The following PAPPA variants were observed in gnomAD, a reference collection of about 807,000 sequenced individuals.
The protein encoded by PAPPA is pappalysin 1.
Under a neutral mutation model 164.0 loss-of-function variants are expected in PAPPA, and 60 were observed. The ratio of observed to expected loss-of-function variants is 0.37; its 90% CI spans 0.30 to 0.45. PAPPA has a LOEUF of 0.45. Ranked by LOEUF, PAPPA falls within the 20% of genes least tolerant of loss-of-function variation. PAPPA has a pLI of 1.00. For synonymous variants in PAPPA, 875 were observed against 814.1 expected (o/e 1.07, Z -1.27); for missense variants, 1,782 against 2,087.3 (o/e 0.85, Z 2.85).
intron 10 of PAPPA, among the ~76,000 whole-genome samples, chr9:116,317,946 C>T (rs561029333): frequency 5.9e-5 from 9 of 152,316 alleles, no homozygotes; most frequent in Admixed American, 5.2e-4. Context: ...AAAGTTTAAA[C>T]TACAGAAAGT....
intron 20 of PAPPA, among the ~76,000 whole-genome samples, chr9:116,378,147 A>G (rs1380561691): frequency 6.6e-6 from 1 of 152,220 alleles, no homozygotes; most frequent in African/African-American, 2.4e-5. Context: ...CAGAAGGAAT[A>G]TGAATGCCTT....
chr9:116,227,582 A>G, intron 6 of PAPPA, 30 bp downstream of exon 6: 2 of 1,612,416 alleles, frequency 1.2e-6, no homozygotes, highest in East Asian at 2.2e-5. Context: ...GCTCATTGAC[A>G]GGAGGAGTGT....
chr9:116,157,160 C>T (rs187293378), intron 1 of PAPPA, among the ~76,000 whole-genome samples: 3 of 152,292 alleles, frequency 2.0e-5, no homozygotes, highest in East Asian at 3.9e-4. Flanking sequence ...TCTAATTTTA[C>T]GGTGCTGTTA....
Position 116,377,661 on chromosome 9 carries a change from A to G in PAPPA, c.4677+14A>G. The G allele has an allele frequency of 6.3e-7, 1 of 1,587,518 alleles. No homozygotes were observed. Among genetic ancestry groups the G allele is most frequent in the Non-Finnish European group, 8.7e-7 (1 of 1,155,804 alleles). ...AAAGGCTGTGAGGTGAGTCACAAGG[A>G]AGGCACTCCTCAGTTCCCTGGAAAT... On this transcript the variant is annotated intron_variant, in intron 20 of 21. Transcript: ENST00000328252.
Position 116,352,818 on chromosome 9 carries a change from C to T in PAPPA, c.4077C>T (p.Thr1359=), listed in dbSNP as rs142403116. 5.5e-5 allele frequency: 88 copies of T among 1,613,746 alleles called. 1 individual carries two copies. The highest frequency in any genetic ancestry group is 2.9e-4 in the East Asian group (13 of 44,882). The part of the protein sequence containing the change: ...PPPVPNADLQ[T]ARCRENKHKV... ...CTGTGCCCAATGCAGACCTCCAGAC[C>T]GCCCGGTGCCGAGAGAATAAGCACA... The change falls in exon 16 of 22, where the codon ACC becomes ACT. Residue 1359 remains threonine (T), a synonymous_variant. Coordinates refer to ENST00000328252, the MANE Select transcript of PAPPA (RefSeq NM_002581.5).
rs768243558 is a variant in PAPPA at position 116,291,662 on chromosome 9, C to T, written c.2954-11095C>T. ...TGAAAATTCAAGAGCTGTACAAAAT[C>T]ATTCATTTATTCACTTATTCATGTA... is the stretch of plus-strand genomic sequence containing the variant. On this transcript the variant is annotated intron_variant, in intron 9 of 21. Coordinates refer to ENST00000328252, the MANE Select transcript of PAPPA (RefSeq NM_002581.5). Among the ~76,000 whole-genome samples the T allele has an allele frequency of 3.0e-4, 46 of 152,188 alleles. No homozygotes were observed. The South Asian group carries it at 4.2e-3, about 14-fold the overall frequency.
intron 1 of PAPPA, among the ~76,000 whole-genome samples, chr9:116,185,939 G>T (rs1228279002): frequency 6.6e-6 from 1 of 152,154 alleles, no homozygotes; most frequent in Non-Finnish European, 1.5e-5. Context: ...GCCTAGGACA[G>T]TGAATCCAAG....
At chr9:116,291,062 G>A (rs781085077) in intron 9 of PAPPA, among the ~76,000 whole-genome samples, 4 of 152,100 alleles carry the variant, frequency 2.6e-5, no homozygotes, top group Non-Finnish European at 5.9e-5. Context: ...AAGTCATTTA[G>A]GGCTTTGAAC....
intron 7 of PAPPA, among the ~76,000 whole-genome samples, chr9:116,262,604 A>G (rs2118805926): frequency 6.6e-6 from 1 of 152,326 alleles, no homozygotes; most frequent in South Asian, 2.1e-4. Context: ...ACATTAAGCC[A>G]GAGGCTGCTT....
intron 5 of PAPPA, among the ~76,000 whole-genome samples, chr9:116,226,574 C>G (rs1844513358): frequency 6.6e-6 from 1 of 152,192 alleles, no homozygotes; most frequent in South Asian, 2.1e-4. Context: ...TCCAGTCCCT[C>G]TGCAGAGGTC....
chr9:116,233,871 C>T (rs955581655), intron 6 of PAPPA, among the ~76,000 whole-genome samples: 1 of 151,868 alleles, frequency 6.6e-6, no homozygotes, highest in East Asian at 1.9e-4. Flanking sequence ...ACCCTCCCAA[C>T]CAACCACTGA....
At chr9:116,276,653 C>A (rs1845201989) in intron 9 of PAPPA, among the ~76,000 whole-genome samples, 1 of 152,154 alleles carries the variant, frequency 6.6e-6, no homozygotes, top group Non-Finnish European at 1.5e-5. Flanking sequence ...AGGAAAGGGA[C>A]CCCCACGTCG....
At chr9:116,346,922 A>T in intron 14 of PAPPA, 104 bp from the exon 15 acceptor site, 1 of 827,296 alleles carries the variant, frequency 1.2e-6, no homozygotes, top group Non-Finnish European at 1.9e-6. Flanking sequence ...TTGGTCTCCT[A>T]GTGCCTGGGC....
At chr9:116,184,385 G>A (rs189896446) in intron 1 of PAPPA, among the ~76,000 whole-genome samples, 2 of 152,260 alleles carry the variant, frequency 1.3e-5, no homozygotes, top group Admixed American at 1.3e-4. Flanking sequence ...GAGGACCTGG[G>A]CTTTTTTGAG....
intron 20 of PAPPA, among the ~76,000 whole-genome samples, chr9:116,381,018 C>T (rs987000943): frequency 3.3e-5 from 5 of 152,306 alleles, no homozygotes; most frequent in African/African-American, 9.6e-5. Context: ...AGACCCCAAC[C>T]AGCACTTTAA....
At chr9:116,252,719 A>G (rs1244532380) in intron 7 of PAPPA, among the ~76,000 whole-genome samples, 1 of 152,158 alleles carries the variant, frequency 6.6e-6, no homozygotes, top group Non-Finnish European at 1.5e-5. Context: ...TTGATGATTC[A>G]AGCCCCAACA....
Position 116,398,918 on chromosome 9 carries a change from CCT to C in PAPPA, c.*2309_*2310del, listed in dbSNP as rs1428612500. On this transcript the variant is annotated 3_prime_UTR_variant, in exon 22 of 22. Coordinates refer to ENST00000328252, the MANE Select transcript of PAPPA (RefSeq NM_002581.5). ...TTCACACTCTTGTCAACTCTCCAGG[CCT>C]CTCTCTTGCCCTGAGTTATCAGCCT... The C allele has an allele frequency of 2.6e-5, 9 of 349,180 alleles. No individual in the cohort carries two copies. The highest frequency in any genetic ancestry group is 5.0e-5 in the Non-Finnish European group (9 of 178,354). 21.6% of individuals were successfully genotyped at this position (349,180 alleles called of 1,614,324 possible).
chr9:116,361,338 A>G (rs1846424314), intron 17 of PAPPA, among the ~76,000 whole-genome samples: 1 of 152,174 alleles, frequency 6.6e-6, no homozygotes. Flanking sequence ...GGCCCCCTGC[A>G]CAGAAACCAC....
At chr9:116,327,774 T>C (rs1189653591) in intron 10 of PAPPA, among the ~76,000 whole-genome samples, 1 of 152,178 alleles carries the variant, frequency 6.6e-6, no homozygotes, top group African/African-American at 2.4e-5. Flanking sequence ...ATTCACTCAA[T>C]GTCTATGAAA....
Sources: allele counts gnomAD v4.1 joint callset (sites outside exome capture counted in the v4.1 genomes callset), GRCh38; gene constraint gnomAD v4.1.1; transcripts MANE v1.5; gene names NCBI Gene and HGNC (gene_info 2026-07-23, HGNC 2026-07-21).